The following LOC400499 variants were observed in gnomAD, a reference collection of about 807,000 sequenced individuals.
chr16:11,511,447 G>T, the LOC400499 span, among the ~76,000 whole-genome samples: 2 of 152,196 alleles, frequency 1.3e-5, no homozygotes, highest in Non-Finnish European at 2.9e-5. Context: ...TGACTCCAAA[G>T]CCTCCTGGGA....
At chr16:11,487,620 C>T in the LOC400499 span, among the ~76,000 whole-genome samples, 3 of 152,158 alleles carry the variant, frequency 2.0e-5, no homozygotes, top group Admixed American at 6.5e-5. Flanking sequence ...CCAGAGCACC[C>T]GACCCCCAAC....
chr16:11,512,724 C>G, the LOC400499 span, among the ~76,000 whole-genome samples: 1 of 152,138 alleles, frequency 6.6e-6, no homozygotes, highest in Admixed American at 6.5e-5. Flanking sequence ...TGAATTCTCT[C>G]TTAATAAAGC....
the LOC400499 span, chr16:11,487,441 G>C: frequency 2.5e-6 from 1 of 398,508 alleles, no homozygotes; most frequent in East Asian, 3.6e-5. Flanking sequence ...AGTGGGGTCT[G>C]GCTATTACCA....
At chr16:11,446,622 C>G in the LOC400499 span, 25 of 1,536,006 alleles carry the variant, frequency 1.6e-5, no homozygotes, top group Non-Finnish European at 2.2e-5. Flanking sequence ...ATGGATGCAT[C>G]AGACCTGCAC....
the LOC400499 span, among the ~76,000 whole-genome samples, chr16:11,503,590 G>A: frequency 6.6e-6 from 1 of 152,210 alleles, no homozygotes; most frequent in Non-Finnish European, 1.5e-5. Flanking sequence ...CTGACCCTGG[G>A]CCTCCCTGCT....
At chr16:11,497,180 T>C in the LOC400499 span, among the ~76,000 whole-genome samples, 2 of 152,164 alleles carry the variant, frequency 1.3e-5, no homozygotes, top group Non-Finnish European at 2.9e-5. Flanking sequence ...CCCAGTGCAA[T>C]GGGTGCCTGC....
At chr16:11,396,726 T>C in the LOC400499 span, 1 of 1,220,258 alleles carries the variant, frequency 8.2e-7, no homozygotes, top group African/African-American at 1.6e-5. Context: ...GGCAGCTTCC[T>C]CTCTCCCCAG....
At chr16:11,379,620 C>T in the LOC400499 span, among the ~76,000 whole-genome samples, 2 of 152,218 alleles carry the variant, frequency 1.3e-5, no homozygotes, top group Admixed American at 6.5e-5. Context: ...CCAAGGACTG[C>T]GGTGACCAGT....
the LOC400499 span, among the ~76,000 whole-genome samples, chr16:11,473,878 C>A: frequency 2.0e-5 from 3 of 152,158 alleles, no homozygotes; most frequent in Non-Finnish European, 4.4e-5. Flanking sequence ...TAGCTAGAGA[C>A]AGAATCCTCC....
the LOC400499 span, chr16:11,457,115 G>C: frequency 1.4e-6 from 2 of 1,407,850 alleles, no homozygotes; most frequent in Non-Finnish European, 9.4e-7. Context: ...GGGAAGTTGA[G>C]GCAGCAGCGA....
At chr16:11,391,775 A>T in the LOC400499 span, 1 of 1,232,100 alleles carries the variant, frequency 8.1e-7, no homozygotes, top group African/African-American at 1.6e-5. Context: ...CTACTGCCCA[A>T]CCACTCGCCT....
At chr16:11,501,569 G>C in the LOC400499 span, among the ~76,000 whole-genome samples, 2 of 151,976 alleles carry the variant, frequency 1.3e-5, no homozygotes, top group African/African-American at 4.8e-5. Context: ...TGTTGCCCAG[G>C]CTGGTCTCAA....
chr16:11,415,462 C>T, the LOC400499 span, among the ~76,000 whole-genome samples: 4 of 152,198 alleles, frequency 2.6e-5, no homozygotes, highest in Admixed American at 1.3e-4. Context: ...ACAGCCCGCC[C>T]GCCTCAAGGG....
chr16:11,391,534 A>G, the LOC400499 span: 5 of 718,802 alleles, frequency 7.0e-6, no homozygotes, highest in Non-Finnish European at 9.7e-6. Flanking sequence ...GCTGGGCTAC[A>G]GGCCCATGGG....
At chr16:11,465,904 G>A in the LOC400499 span, among the ~76,000 whole-genome samples, 1 of 151,840 alleles carries the variant, frequency 6.6e-6, no homozygotes, top group East Asian at 1.9e-4. Flanking sequence ...GGAAAGAAAA[G>A]GAAGAAAGGA....
At chr16:11,521,862 G>A in the LOC400499 span, 7 of 398,060 alleles carry the variant, frequency 1.8e-5, no homozygotes, top group African/African-American at 4.1e-5. Context: ...TGTTGATTAA[G>A]CAAATTGGAA....
At chr16:11,420,939 C>A in the LOC400499 span, among the ~76,000 whole-genome samples, 7 of 152,306 alleles carry the variant, frequency 4.6e-5, no homozygotes, top group Admixed American at 4.6e-4. Flanking sequence ...TCATGTGCCA[C>A]CCACCCTCTG....
chr16:11,382,285 T>C, the LOC400499 span, among the ~76,000 whole-genome samples: 128 of 152,342 alleles, frequency 8.4e-4, no homozygotes, highest in African/African-American at 3.0e-3. Flanking sequence ...CCCTTTGTCA[T>C]ATTTTCCAAT....
chr16:11,439,615 G>A, the LOC400499 span: 1 of 399,078 alleles, frequency 2.5e-6, no homozygotes, highest in Non-Finnish European at 4.4e-6. Flanking sequence ...GGGTCAGAGG[G>A]AACAGAGAGA....
Sources: gnomAD v4.1 joint callset for allele counts (sites outside exome capture counted in the v4.1 genomes callset) on GRCh38, gnomAD v4.1.1 for gene constraint, MANE v1.5 for transcripts.